Variants in SPATA6L observed in about 807,000 individuals in gnomAD.
SPATA6L encodes spermatogenesis associated 6-like protein.
In SPATA6L, 68 loss-of-function variants were observed where a neutral mutation model predicts 49.2. The observed-to-expected ratio is 1.38, with a 90% confidence interval of 1.14 to 1.69. The LOEUF (loss-of-function observed/expected upper bound fraction) is 1.69. SPATA6L is among the 40% of genes most tolerant of loss of function. The pLI is 0.00. For missense variants in SPATA6L, 668 were observed against 464.3 expected (o/e 1.44, Z -4.03); for synonymous variants, 198 against 165.7 (o/e 1.19, Z -1.50).
At position 4,656,528 on chromosome 9, in the gene SPATA6L, T is replaced by G. The variant is rs1481853046; in HGVS notation, c.178-439A>C. 3.3e-5 allele frequency among the ~76,000 whole-genome samples: 5 copies of G among 151,984 alleles called. No homozygotes were observed. In the East Asian group the frequency reaches 9.6e-4, roughly 29 times the overall value. ...AGGGAGGAGCCGTAAATTATATTCTTCCAAGTAATTAACATATGTAAAATC... is the reference window on the plus strand; with the variant it reads ...AGGGAGGAGCCGTAAATTATATTCTGCCAAGTAATTAACATATGTAAAATC... On this transcript the variant is annotated intron_variant, in intron 2 of 11. Transcript: ENST00000682582.
At chr9:4,665,793 C>G (rs1484728898) in intron 1 of SPATA6L, among the ~76,000 whole-genome samples, 2 of 152,178 alleles carry the variant, frequency 1.3e-5, no homozygotes, top group Admixed American at 6.5e-5. Flanking sequence ...TAGAAAATAT[C>G]TGATTGGTTC....
At chr9:4,604,437 G>A (rs1049519663) in intron 10 of SPATA6L, among the ~76,000 whole-genome samples, 168 bp from the exon 11 acceptor site, 1 of 152,012 alleles carries the variant, frequency 6.6e-6, no homozygotes, top group Non-Finnish European at 1.5e-5. Context: ...TTGTAGAGAC[G>A]AGGTCTCATT....
chr9:4,603,421 T>C (rs928857454), intron 11 of SPATA6L, among the ~76,000 whole-genome samples: 17 of 152,072 alleles, frequency 1.1e-4, no homozygotes, highest in African/African-American at 2.9e-4. Context: ...CAGAGCTCCA[T>C]GTCAAAACAA....
intron 3 of SPATA6L, among the ~76,000 whole-genome samples, chr9:4,651,280 A>G (rs1836791962): frequency 1.3e-5 from 2 of 152,214 alleles, no homozygotes; most frequent in African/African-American, 4.8e-5. Context: ...AAAAACTCCT[A>G]AAAAGACACA....
chr9:4,648,959 G>A (rs1836148535), intron 3 of SPATA6L, among the ~76,000 whole-genome samples: 1 of 152,034 alleles, frequency 6.6e-6, no homozygotes, highest in South Asian at 2.1e-4. Flanking sequence ...ACTTCGCTTA[G>A]AATAATAGTC....
At position 4,625,399 on chromosome 9, in the gene SPATA6L, C is replaced by A; in HGVS notation, c.597G>T (p.Gln199His). The change falls in exon 6 of 12, where the codon CAG becomes CAT. Residue 199 changes from glutamine to histidine, a missense_variant. Coordinates refer to ENST00000682582, the MANE Select transcript of SPATA6L (RefSeq NM_001353486.2). ...QYSTRHFFQD[Q>H]PAQLNLGNNF... The stretch of plus-strand genomic sequence containing the variant: ...TATTTCCAAGGTTCAACTGAGCTGG[C>A]TGGTCCTGGAAGAAATGCCTGGTAG... 6.2e-7 allele frequency: 1 copy of A among 1,614,118 alleles called. No individual in the cohort carries two copies. Among genetic ancestry groups the A allele is most frequent in the South Asian group, 1.1e-5 (1 of 91,076 alleles).
intron 3 of SPATA6L, among the ~76,000 whole-genome samples, chr9:4,654,624 G>C (rs555217867): frequency 6.6e-6 from 1 of 152,350 alleles, no homozygotes; most frequent in South Asian, 2.1e-4. Context: ...TTTATTGAGT[G>C]GGGGTAGCTT....
In SPATA6L at chr9:4,662,224, C is replaced by T; in HGVS notation, c.40-188G>A. ...CTCCTCACATTGGAAATTCCAACTC[C>T]CTCCCACGTCTCCACCAGGTGTCAC... On this transcript the variant is annotated intron_variant, in intron 1 of 11. Transcript: ENST00000682582. The surrounding 1 kb of genome is among the most constrained non-coding windows in gnomAD (Gnocchi z 4.9). 1 of 1,434,514 alleles carries T rather than the reference C, an allele frequency of 7.0e-7. No homozygotes were observed. The highest frequency in any genetic ancestry group is 1.5e-5 in the South Asian group (1 of 67,170). 88.9% of individuals were successfully genotyped at this position (1,434,514 alleles called of 1,614,324 possible).
In SPATA6L at chr9:4,652,836, C is replaced by T. The variant is rs572218753; in HGVS notation, c.226+3205G>A. Among the ~76,000 whole-genome samples, 1,064 of 140,652 alleles carry T rather than the reference C, an allele frequency of 7.6e-3. 3 individuals are homozygous for T. The highest frequency in any genetic ancestry group is 0.012 in the Non-Finnish European group (796 of 65,638). 92.3% of individuals were successfully genotyped at this position (140,652 alleles called of 152,430 possible). A position where few individuals can be genotyped will look rare whatever the true frequency, so the allele number is the denominator to read the frequency against. Reference sequence around the variant, plus strand: ...AGCCTAGGCAACAAGAGTGAAATTCCGTCCCAAAAAAAAAAAAAAAAAAGG... The same window carrying T: ...AGCCTAGGCAACAAGAGTGAAATTCTGTCCCAAAAAAAAAAAAAAAAAAGG... On this transcript the variant is annotated intron_variant, in intron 3 of 11. Transcript: ENST00000682582.
At position 4,662,000 on chromosome 9, in the gene SPATA6L, C is replaced by A. The variant is rs377121260; in HGVS notation, c.76G>T (p.Asp26Tyr). Residue 26 changes from aspartate (D) to tyrosine (Y), a missense_variant, in exon 2 of 12, where the codon GAT becomes TAT. By Grantham distance (160) the Asp-to-Tyr change is radical. Coordinates refer to ENST00000682582, the MANE Select transcript of SPATA6L (RefSeq NM_001353486.2). ...ATGAGGTAGACCCCGAGGTACACATCTTGTTTGCCAGGCAGGAACACTCCT... is the reference window on the plus strand; with the variant it reads ...ATGAGGTAGACCCCGAGGTACACATATTGTTTGCCAGGCAGGAACACTCCT... ...CPGVFLPGKQ[D>Y]VYLGVYLMNQ... 73 of 1,614,104 alleles carry A rather than the reference C, an allele frequency of 4.5e-5. No homozygotes were observed. In the African/African-American group the frequency reaches 5.3e-4, roughly 12 times the overall value.
rs180966858 is a variant in SPATA6L, at chr9:4,660,199, G to C, written c.177+1700C>G. Among the ~76,000 whole-genome samples the C allele has an allele frequency of 5.6e-3, 858 of 152,286 alleles. 3 individuals are homozygous for C. The highest frequency in any genetic ancestry group is 6.5e-3 in the Non-Finnish European group (439 of 68,032). On this transcript the variant is annotated intron_variant, in intron 2 of 11. Coordinates refer to ENST00000682582, the MANE Select transcript of SPATA6L (RefSeq NM_001353486.2). Reference sequence around the variant, plus strand: ...ACAAATGGGATCTAATTAAACTAAAGAGCTTCTGCACAGCAAAAGAAACTA... The same window carrying C: ...ACAAATGGGATCTAATTAAACTAAACAGCTTCTGCACAGCAAAAGAAACTA...
chr9:4,595,805 G>T (rs1357094086), downstream of SPATA6L, among the ~76,000 whole-genome samples: 1 of 152,174 alleles, frequency 6.6e-6, no homozygotes, highest in Non-Finnish European at 1.5e-5. Context: ...CGATTATAAA[G>T]TAATGAAATT....
intron 3 of SPATA6L, among the ~76,000 whole-genome samples, chr9:4,638,288 T>C (rs567841969): frequency 6.6e-6 from 1 of 152,208 alleles, no homozygotes; most frequent in Non-Finnish European, 1.5e-5. Context: ...TTTGGCTCAC[T>C]GCTACCTCTG....
chr9:4,656,612 G>A (rs1032987234), intron 2 of SPATA6L, among the ~76,000 whole-genome samples: 4 of 152,140 alleles, frequency 2.6e-5, no homozygotes, highest in African/African-American at 9.7e-5. Context: ...CTGATTAAAA[G>A]TTCAAAAAGT....
chr9:4,654,705 C>G (rs1837707765), intron 3 of SPATA6L, among the ~76,000 whole-genome samples: 1 of 152,174 alleles, frequency 6.6e-6, no homozygotes, highest in East Asian at 1.9e-4. Context: ...CCCCGGCTCT[C>G]TTCCAACTGC....
intron 9 of SPATA6L, among the ~76,000 whole-genome samples, chr9:4,614,985 C>T (rs1258385340): frequency 6.6e-6 from 1 of 152,192 alleles, no homozygotes; most frequent in African/African-American, 2.4e-5. Flanking sequence ...CTCCTTAGGT[C>T]AGCCAACAAA....
intron 3 of SPATA6L, among the ~76,000 whole-genome samples, chr9:4,638,246 T>C (rs1564250546): frequency 6.6e-6 from 1 of 152,214 alleles, no homozygotes; most frequent in Non-Finnish European, 1.5e-5. Flanking sequence ...AGTCTCGCTC[T>C]TATTGCCCAG....
At chr9:4,593,758 C>T (rs1054407578), downstream of SPATA6L, among the ~76,000 whole-genome samples, 23 of 152,140 alleles carry the variant, frequency 1.5e-4, no homozygotes, top group African/African-American at 4.8e-5. Context: ...GTTATTTTTC[C>T]TTGGCTTCCA....
Position 4,660,191 on chromosome 9 carries a change from A to C in SPATA6L, c.177+1708T>G, listed in dbSNP as rs189195693. On this transcript the variant is annotated intron_variant, in intron 2 of 11. Transcript: ENST00000682582. ...CAAAATTGACAAATGGGATCTAATT[A>C]AACTAAAGAGCTTCTGCACAGCAAA... Among the ~76,000 whole-genome samples the C allele has an allele frequency of 5.7e-3, 862 of 152,360 alleles. 3 individuals are homozygous for C. Among genetic ancestry groups the C allele is most frequent in the Non-Finnish European group, 6.5e-3 (440 of 68,036 alleles).
Sources: gnomAD v4.1 joint callset for allele counts (sites outside exome capture counted in the v4.1 genomes callset) on GRCh38, gnomAD v4.1.1 for gene constraint, Gnocchi (gnomAD v3.1) non-coding constraint, MANE v1.5 for transcripts, NCBI Gene and HGNC (gene_info 2026-07-23, HGNC 2026-07-21) for gene names.